The following CSTPP1 variants were observed in gnomAD, a reference collection of about 807,000 sequenced individuals.
CSTPP1 encodes centriolar satellite-associated tubulin polyglutamylase complex regulator 1, also known as UPF0705 protein C11orf49.
chr11:46,939,673 T>C, the CSTPP1 span, among the ~76,000 whole-genome samples: 1 of 70,414 alleles, frequency 1.4e-5, no homozygotes, highest in South Asian at 5.4e-4. Context: ...GATAGATAGA[T>C]AGGTAGATGT....
At chr11:47,036,242 T>TTATATAATA in the CSTPP1 span, among the ~76,000 whole-genome samples, 1 of 45,178 alleles carries the variant, frequency 2.2e-5, no homozygotes, top group Non-Finnish European at 4.5e-5. Context: ...TATATTATAT[T>TTATATAATA]TATATATTAT....
the CSTPP1 span, chr11:46,987,234 GAGGATGCAGTGTGCC>G: frequency 3.1e-6 from 5 of 1,614,150 alleles, no homozygotes; most frequent in Non-Finnish European, 4.2e-6. Context: ...CACCTACATG[GAGGATGCAGTGTGCC>G]AGCTGCTAGA....
the CSTPP1 span, among the ~76,000 whole-genome samples, chr11:46,978,518 G>A: frequency 6.6e-6 from 1 of 152,204 alleles, no homozygotes; most frequent in African/African-American, 2.4e-5. Flanking sequence ...TATGTTAAGT[G>A]TTATGAGTTT....
At chr11:47,062,531 C>T in the CSTPP1 span, among the ~76,000 whole-genome samples, 3 of 152,204 alleles carry the variant, frequency 2.0e-5, no homozygotes, top group Admixed American at 2.0e-4. Flanking sequence ...AAGTGTTCCA[C>T]TAAAAACCAG....
At chr11:47,008,907 T>C in the CSTPP1 span, among the ~76,000 whole-genome samples, 1 of 152,044 alleles carries the variant, frequency 6.6e-6, no homozygotes, top group African/African-American at 2.4e-5. Context: ...GGCAGGCTCC[T>C]GTAGTCCCAG....
chr11:47,155,730 G>A, the CSTPP1 span: 7 of 163,592 alleles, frequency 4.3e-5, no homozygotes, highest in South Asian at 3.5e-4. Context: ...CAAAGCCAGC[G>A]TTCCCAACCT....
the CSTPP1 span, among the ~76,000 whole-genome samples, chr11:46,954,503 C>T: frequency 6.6e-6 from 1 of 151,570 alleles, no homozygotes; most frequent in African/African-American, 2.4e-5. Flanking sequence ...GAGCCGAGAT[C>T]GTACCACTGC....
the CSTPP1 span, among the ~76,000 whole-genome samples, chr11:47,053,533 C>T: frequency 6.6e-6 from 1 of 150,714 alleles, no homozygotes; most frequent in Non-Finnish European, 1.5e-5. Flanking sequence ...GAACGAAAAT[C>T]GTTTGAACCC....
the CSTPP1 span, among the ~76,000 whole-genome samples, chr11:47,046,660 C>CTTTTTTTTT: frequency 0.016 from 1,240 of 79,740 alleles, 14 homozygotes; most frequent in Non-Finnish European, 0.017. Context: ...ATCTTCTTTT[C>CTTTTTTTTT]TTTTTTTTTT....
the CSTPP1 span, among the ~76,000 whole-genome samples, chr11:47,139,623 G>A: frequency 6.0e-4 from 91 of 151,348 alleles, no homozygotes; most frequent in African/African-American, 2.0e-3. Context: ...GCAGTGAGCC[G>A]ATTGTGCCAC....
At chr11:47,164,152 C>A in the CSTPP1 span, 3 of 1,613,834 alleles carry the variant, frequency 1.9e-6, no homozygotes, top group East Asian at 6.7e-5. Flanking sequence ...GAGCCAGGGG[C>A]CTTTGGCTTT....
chr11:47,072,799 A>T, the CSTPP1 span, among the ~76,000 whole-genome samples: 1 of 152,208 alleles, frequency 6.6e-6, no homozygotes, highest in South Asian at 2.1e-4. Flanking sequence ...CTTATGTATT[A>T]TGCTAATTGT....
At chr11:46,938,086 C>CTGGT in the CSTPP1 span, among the ~76,000 whole-genome samples, 2 of 151,592 alleles carry the variant, frequency 1.3e-5, no homozygotes, top group East Asian at 3.9e-4. Flanking sequence ...GTTGGTCAGG[C>CTGGT]TGGTCTCAAA....
At chr11:47,007,748 G>A in the CSTPP1 span, among the ~76,000 whole-genome samples, 12,960 of 151,970 alleles carry the variant, frequency 0.085, 1,840 homozygotes, top group African/African-American at 0.3. Context: ...CCAGAATGAT[G>A]TTATCTTTCT....
the CSTPP1 span, among the ~76,000 whole-genome samples, chr11:47,127,340 T>TA: frequency 6.6e-6 from 1 of 152,228 alleles, no homozygotes; most frequent in Non-Finnish European, 1.5e-5. Context: ...TGTCTGCAAA[T>TA]ATGAGCCATC....
chr11:47,026,647 G>A, the CSTPP1 span, among the ~76,000 whole-genome samples: 1 of 152,192 alleles, frequency 6.6e-6, no homozygotes, highest in Non-Finnish European at 1.5e-5. Flanking sequence ...GGAGGCCGAG[G>A]TGGGTGGATC....
At chr11:47,105,167 G>A in the CSTPP1 span, among the ~76,000 whole-genome samples, 1 of 152,162 alleles carries the variant, frequency 6.6e-6, no homozygotes, top group African/African-American at 2.4e-5. Flanking sequence ...CCAGCCACCA[G>A]TTAAGTCCCT....
At chr11:47,103,731 G>A in the CSTPP1 span, 6 of 130,782 alleles carry the variant, frequency 4.6e-5, no homozygotes, top group Admixed American at 2.7e-4. Flanking sequence ...CTGGAGTAAA[G>A]TGGTGCTATC....
chr11:47,137,893 A>G, the CSTPP1 span: 7 of 665,454 alleles, frequency 1.1e-5, no homozygotes, highest in Non-Finnish European at 1.8e-5. Context: ...TACATTCTGC[A>G]TTTCCAAAGG....
Sources: gnomAD v4.1 joint callset for allele counts (sites outside exome capture counted in the v4.1 genomes callset) on GRCh38, gnomAD v4.1.1 for gene constraint, MANE v1.5 for transcripts, NCBI Gene and HGNC (gene_info 2026-07-23, HGNC 2026-07-21) for gene names.